PCDHA2: variants seen among roughly 807,000 people sequenced by gnomAD.
The protein encoded by PCDHA2 is protocadherin alpha-2.
PCDHA2 carries 58 observed loss-of-function variants against 66.0 expected under a neutral mutation model. The ratio of observed to expected loss-of-function variants is 0.88; its 90% CI spans 0.71 to 1.09. The LOEUF (loss-of-function observed/expected upper bound fraction) is 1.09. Among genes scored for constraint, PCDHA2 ranks in the 50% least tolerant of loss-of-function variants. The pLI is 0.00. For synonymous variants in PCDHA2, 634 were observed against 554.0 expected (o/e 1.14, Z -2.03); for missense variants, 1,267 against 1,242.3 (o/e 1.02, Z -0.30).
chr5:140,802,922 C>G (rs1763062929), intron 1 of PCDHA2: 2 of 1,613,734 alleles, frequency 1.2e-6, no homozygotes, highest in Non-Finnish European at 8.5e-7. Flanking sequence ...GCATCGGTGG[C>G]GCAGTGAGCG....
In PCDHA2 at chr5:140,883,463, T is replaced by C. The variant is rs1028584234; in HGVS notation, c.2388+86111T>C. On this transcript the variant is annotated intron_variant, in intron 1 of 3. Transcript: ENST00000526136. ...GCCGCATGTCCCCTTCAAGCTGGTGTCCACCTACAAGAACTACTACTCATT... is the reference window on the plus strand; with the variant it reads ...GCCGCATGTCCCCTTCAAGCTGGTGCCCACCTACAAGAACTACTACTCATT... 44 of 1,614,040 alleles carry C rather than the reference T, an allele frequency of 2.7e-5. No individual in the cohort carries two copies. Among genetic ancestry groups the C allele is most frequent in the Non-Finnish European group, 3.6e-5 (42 of 1,180,048 alleles).
intron 1 of PCDHA2, chr5:140,809,346 C>A: frequency 6.2e-7 from 1 of 1,614,048 alleles, no homozygotes; most frequent in South Asian, 1.1e-5. Context: ...CTGTACACCG[C>A]GCTGCGGTGC....
chr5:140,967,003 C>T, intron 1 of PCDHA2: 1 of 1,605,342 alleles, frequency 6.2e-7, no homozygotes, highest in South Asian at 1.1e-5. Context: ...GCTTGCGCAT[C>T]AACCATCTGG....
At chr5:141,006,403 C>T (rs2098271999) in intron 3 of PCDHA2, among the ~76,000 whole-genome samples, 1 of 151,934 alleles carries the variant, frequency 6.6e-6, no homozygotes, top group Non-Finnish European at 1.5e-5. Context: ...TTAGTAGAGA[C>T]GCGGTTTCAC....
intron 1 of PCDHA2, chr5:140,858,307 G>T: frequency 6.3e-7 from 1 of 1,597,292 alleles, no homozygotes; most frequent in Non-Finnish European, 8.6e-7. Flanking sequence ...AGCAGAGGCG[G>T]CAGAGGGTGT....
intron 3 of PCDHA2, among the ~76,000 whole-genome samples, chr5:141,000,900 G>A (rs1020896392): frequency 6.6e-6 from 1 of 151,614 alleles, no homozygotes; most frequent in African/African-American, 2.4e-5. Flanking sequence ...AGATATAGAC[G>A]CTGTCTCTAA....
At chr5:140,918,943 T>C (rs1554198839) in intron 1 of PCDHA2, among the ~76,000 whole-genome samples, 1 of 152,220 alleles carries the variant, frequency 6.6e-6, no homozygotes, top group Non-Finnish European at 1.5e-5. Context: ...TGTTATAATA[T>C]CCTGAACAGA....
chr5:140,805,213 T>C, intron 1 of PCDHA2: 1 of 1,424,420 alleles, frequency 7.0e-7, no homozygotes, highest in Non-Finnish European at 9.2e-7. Context: ...AAATAAACAT[T>C]GTTTTCTATT....
intron 1 of PCDHA2, among the ~76,000 whole-genome samples, chr5:140,947,497 T>A (rs1289449406): frequency 6.6e-6 from 1 of 151,724 alleles, no homozygotes; most frequent in Non-Finnish European, 1.5e-5. Flanking sequence ...ATAGGTCATT[T>A]AAATTTTCAT....
At chr5:140,890,693 G>C (rs980920550) in intron 1 of PCDHA2, among the ~76,000 whole-genome samples, 7 of 151,828 alleles carry the variant, frequency 4.6e-5, no homozygotes, top group Non-Finnish European at 8.8e-5. Flanking sequence ...GGAAATGCAG[G>C]GACCTTACAT....
chr5:140,982,461 G>C lies in PCDHA2; in HGVS notation c.2448-14G>C, dbSNP rs765899879. Reference sequence around the variant, plus strand: ...TATGATCTAACCGTTATCTGGGTCTGTGTGTTTATTCAGCTCTGTGCACCT... The same window carrying C: ...TATGATCTAACCGTTATCTGGGTCTCTGTGTTTATTCAGCTCTGTGCACCT... On this transcript the variant is annotated splice_polypyrimidine_tract_variant and intron_variant, in intron 2 of 3. Coordinates refer to ENST00000526136, the MANE Select transcript of PCDHA2 (RefSeq NM_018905.3). 4.3e-6 allele frequency: 7 copies of C among 1,613,970 alleles called. No homozygotes were observed. The Admixed American group carries it at 6.7e-5, about 15-fold the overall frequency.
chr5:140,795,048 C>T lies in PCDHA2; in HGVS notation c.84C>T (p.Ser28=). The change falls in exon 1 of 4, where the codon AGC becomes AGT. Residue 28 remains serine, a synonymous_variant. Coordinates refer to ENST00000526136, the MANE Select transcript of PCDHA2 (RefSeq NM_018905.3). ...TCCTCGCAGCCTGGGAGGTGGGGAG[C>T]GGCCAGCTCCGCTACTCCGTCCCCG... is the stretch of plus-strand genomic sequence containing the variant. ...LLLLAAWEVG[S]GQLRYSVPEE... The T allele has an allele frequency of 1.2e-6, 2 of 1,613,822 alleles. No homozygotes were observed. Among genetic ancestry groups the T allele is most frequent in the Non-Finnish European group, 1.7e-6 (2 of 1,179,998 alleles).
At chr5:140,891,358 G>A (rs1002422244) in intron 1 of PCDHA2, among the ~76,000 whole-genome samples, 1 of 152,044 alleles carries the variant, frequency 6.6e-6, no homozygotes. Flanking sequence ...TCCATCACCT[G>A]AGCAGTATAC....
chr5:141,005,701 CAAAAAAAAAAAAAAAA>C (rs59860837), intron 3 of PCDHA2, among the ~76,000 whole-genome samples: 5 of 7,786 alleles, frequency 6.4e-4, no homozygotes, highest in African/African-American at 1.9e-3. Context: ...AACTCCGTCT[CAAAAAAAAAAAAAAAA>C]AAAAAAAAAA....
intron 1 of PCDHA2, chr5:140,829,146 T>C (rs372034322): frequency 1.2e-6 from 2 of 1,613,848 alleles, no homozygotes; most frequent in Non-Finnish European, 1.7e-6. Context: ...GAGATAGCAC[T>C]GACTTCCTTA....
intron 1 of PCDHA2, among the ~76,000 whole-genome samples, chr5:140,921,258 G>C (rs537231615): frequency 6.6e-6 from 1 of 151,824 alleles, no homozygotes; most frequent in South Asian, 2.1e-4. Flanking sequence ...AAAAGTCCTA[G>C]ACTTTTATAC....
intron 1 of PCDHA2, chr5:140,871,446 A>C (rs1554165605): frequency 6.2e-7 from 1 of 1,610,058 alleles, no homozygotes; most frequent in Non-Finnish European, 8.5e-7. Context: ...GTCTGAATAA[A>C]GAGGAGGAAG....
At chr5:140,961,271 AC>A (rs1460316643) in intron 1 of PCDHA2, among the ~76,000 whole-genome samples, 1 of 152,208 alleles carries the variant, frequency 6.6e-6, no homozygotes, top group Non-Finnish European at 1.5e-5. Context: ...GCTTCTTTTT[AC>A]CATGGCTCTG....
At chr5:140,817,247 G>T (rs998574774) in intron 1 of PCDHA2, 2 of 152,240 alleles carry the variant, frequency 1.3e-5, no homozygotes, top group Non-Finnish European at 2.9e-5. Context: ...GACAGGAGCT[G>T]GGAATTTCCC....
Sources: allele counts gnomAD v4.1 joint callset (sites outside exome capture counted in the v4.1 genomes callset), GRCh38; gene constraint gnomAD v4.1.1; transcripts MANE v1.5; gene names NCBI Gene and HGNC (gene_info 2026-07-23, HGNC 2026-07-21).